The following NKAIN3 variants were observed in gnomAD, a reference collection of about 807,000 sequenced individuals.
NKAIN3 encodes sodium/potassium-transporting ATPase subunit beta-1-interacting protein 3.
NKAIN3 carries 25 observed loss-of-function variants against 30.2 expected under a neutral mutation model. The observed-to-expected ratio is 0.83, with a 90% CI of 0.60 to 1.16. The LOEUF (loss-of-function observed/expected upper bound fraction) is 1.16, where lower values mean the gene tolerates loss of function less well. NKAIN3 is among the 50% of genes most tolerant of loss of function. The pLI is 0.00. For missense variants in NKAIN3, 225 were observed against 254.1 expected (o/e 0.89, Z 0.78); for synonymous variants, 91 against 89.6 (o/e 1.02, Z -0.09).
chr8:62,948,839 T>C (rs1823201651), intron 5 of NKAIN3, among the ~76,000 whole-genome samples: 1 of 152,236 alleles, frequency 6.6e-6, no homozygotes, highest in African/African-American at 2.4e-5. Flanking sequence ...ACGGTGTTAA[T>C]TCACGTCTTC....
chr8:62,989,880 AAT>A (rs879518975), downstream of NKAIN3, among the ~76,000 whole-genome samples: 5 of 152,110 alleles, frequency 3.3e-5, no homozygotes, highest in Non-Finnish European at 7.3e-5. Flanking sequence ...GTGCTTTGTA[AAT>A]AGGAATCTAA....
chr8:62,917,132 C>T (rs563234177), intron 4 of NKAIN3, among the ~76,000 whole-genome samples: 89 of 152,152 alleles, frequency 5.8e-4, no homozygotes, highest in African/African-American at 2.1e-3. Context: ...AGAGGCCTTA[C>T]CCCCAGGCTA....
intron 3 of NKAIN3, among the ~76,000 whole-genome samples, chr8:62,637,359 C>T (rs181958920): frequency 2.0e-5 from 3 of 152,294 alleles, no homozygotes; most frequent in East Asian, 3.9e-4. Context: ...CTCTGCAAAC[C>T]TTGCTGGACC....
intron 3 of NKAIN3, among the ~76,000 whole-genome samples, chr8:62,651,830 C>T (rs1437218929): frequency 1.3e-5 from 2 of 152,040 alleles, no homozygotes; most frequent in Non-Finnish European, 2.9e-5. Flanking sequence ...AGTCTAGGAC[C>T]TCCCTCCTCC....
intron 1 of NKAIN3, among the ~76,000 whole-genome samples, chr8:62,499,549 A>G (rs1807351268): frequency 6.6e-6 from 1 of 152,154 alleles, no homozygotes; most frequent in South Asian, 2.1e-4. Flanking sequence ...GTCAATTTAG[A>G]GGAAAATTAT....
chr8:62,608,872 A>G (rs1173415279), intron 3 of NKAIN3, among the ~76,000 whole-genome samples: 1 of 152,056 alleles, frequency 6.6e-6, no homozygotes, highest in East Asian at 1.9e-4. Flanking sequence ...TCATAGGGGG[A>G]AAAATGTCCA....
intron 4 of NKAIN3, among the ~76,000 whole-genome samples, chr8:62,778,744 C>G (rs1817264666): frequency 6.6e-6 from 1 of 151,868 alleles, no homozygotes; most frequent in Non-Finnish European, 1.5e-5. Flanking sequence ...AAAAAGTCCC[C>G]TTTACTCTTC....
chr8:62,293,268 C>T (rs1166547282), intron 1 of NKAIN3, among the ~76,000 whole-genome samples: 3 of 152,208 alleles, frequency 2.0e-5, no homozygotes, highest in Admixed American at 6.5e-5. Context: ...AGCTTTGTTC[C>T]GTTGCTGGCG....
chr8:62,451,922 A>G (rs1219110575), intron 1 of NKAIN3, among the ~76,000 whole-genome samples: 3 of 152,228 alleles, frequency 2.0e-5, no homozygotes, highest in African/African-American at 7.2e-5. Context: ...TGCTTTCAGA[A>G]CATTACCTTT....
chr8:62,991,754 G>A (rs1333054574), intron 5 of NKAIN3, among the ~76,000 whole-genome samples: 1 of 152,104 alleles, frequency 6.6e-6, no homozygotes, highest in Non-Finnish European at 1.5e-5. Context: ...TGTCATTTTG[G>A]TGATGAAAAA....
At chr8:62,710,015 T>C (rs1171006248) in intron 3 of NKAIN3, among the ~76,000 whole-genome samples, 1 of 152,144 alleles carries the variant, frequency 6.6e-6, no homozygotes, top group Non-Finnish European at 1.5e-5. Context: ...TAAATTTCCA[T>C]GTATTTGCAT....
At chr8:62,925,209 C>G (rs1822401198) in intron 5 of NKAIN3, among the ~76,000 whole-genome samples, 1 of 152,100 alleles carries the variant, frequency 6.6e-6, no homozygotes, top group Non-Finnish European at 1.5e-5. Context: ...CATATCTTAC[C>G]TACCGTAGAA....
At chr8:62,541,233 C>T (rs891783583) in intron 1 of NKAIN3, among the ~76,000 whole-genome samples, 11 of 152,178 alleles carry the variant, frequency 7.2e-5, no homozygotes, top group East Asian at 3.9e-4. Flanking sequence ...AGGAGAACTG[C>T]TAGAACCTGG....
chr8:62,767,717 C>T (rs137926625), intron 4 of NKAIN3, among the ~76,000 whole-genome samples: 36 of 152,006 alleles, frequency 2.4e-4, no homozygotes, highest in African/African-American at 6.8e-4. Context: ...CTTCTCACAA[C>T]GCAGGAACAT....
intron 1 of NKAIN3, among the ~76,000 whole-genome samples, chr8:62,361,384 C>T (rs16928749): frequency 0.12 from 18,387 of 152,234 alleles, 1,357 homozygotes; most frequent in East Asian, 0.39. Context: ...GTTGGTATTT[C>T]CTTCCTTCCA....
At chr8:62,934,923 G>A (rs1203975272) in intron 5 of NKAIN3, among the ~76,000 whole-genome samples, 3 of 152,058 alleles carry the variant, frequency 2.0e-5, no homozygotes, top group Non-Finnish European at 2.9e-5. Flanking sequence ...GCATTGACCT[G>A]CCCATGGACT....
At chr8:62,540,565 A>G (rs1209154963) in intron 1 of NKAIN3, among the ~76,000 whole-genome samples, 2 of 152,224 alleles carry the variant, frequency 1.3e-5, no homozygotes, top group Non-Finnish European at 2.9e-5. Context: ...ATGTTCAAAC[A>G]CATTGGCTCT....
At chr8:62,512,740 CTG>C (rs3059055) in intron 1 of NKAIN3, among the ~76,000 whole-genome samples, 109,469 of 151,826 alleles carry the variant, frequency 0.72, 39,898 homozygotes, top group South Asian at 0.81. Context: ...ACAAAGAAAA[CTG>C]TGTCTTTCAC....
At chr8:62,536,074 ATATG>A (rs745516622) in intron 1 of NKAIN3, among the ~76,000 whole-genome samples, 1 of 152,186 alleles carries the variant, frequency 6.6e-6, no homozygotes, top group Non-Finnish European at 1.5e-5. Flanking sequence ...ACACACATAT[ATATG>A]TGACTATATA....
Sources: gnomAD v4.1 joint callset for allele counts (sites outside exome capture counted in the v4.1 genomes callset) on GRCh38, gnomAD v4.1.1 for gene constraint, MANE v1.5 for transcripts, NCBI Gene and HGNC (gene_info 2026-07-23, HGNC 2026-07-21) for gene names.